The following WWC2 variants were observed in gnomAD, a reference collection of about 807,000 sequenced individuals.
The protein encoded by WWC2 is WW and C2 domain containing 2.
WWC2 carries 101 observed loss-of-function variants against 138.5 expected under a neutral mutation model. The ratio of observed to expected loss-of-function variants is 0.73; its 90% CI spans 0.62 to 0.86. WWC2 has a LOEUF of 0.86. WWC2 is among the 40% of genes least tolerant of loss of function. The pLI, the probability that WWC2 is intolerant of heterozygous loss-of-function variation, is 0.00. For missense variants in WWC2, 1,420 were observed against 1,419.4 expected, an observed-to-expected ratio of 1.00 and a Z score of -0.01; for synonymous variants, 558 against 538.4, an observed-to-expected ratio of 1.04 and a Z score of -0.50.
chr4:183,314,701 AC>A (rs1289537134), intron 22 of WWC2, among the ~76,000 whole-genome samples: 2 of 152,118 alleles, frequency 1.3e-5, no homozygotes, highest in Non-Finnish European at 2.9e-5. Context: ...ATTTTTAAAC[AC>A]CCCAGTTAGC....
At chr4:183,293,433 C>A (rs1472252239) in intron 21 of WWC2, among the ~76,000 whole-genome samples, 2 of 152,192 alleles carry the variant, frequency 1.3e-5, no homozygotes, top group African/African-American at 4.8e-5. Context: ...AAAGTCAGTG[C>A]TCCTTCATGT....
chr4:183,152,293 G>T (rs116572684), intron 1 of WWC2, among the ~76,000 whole-genome samples: 1 of 151,918 alleles, frequency 6.6e-6, no homozygotes, highest in African/African-American at 2.4e-5. Context: ...GAGCTCAGGG[G>T]TTTGAGACCA....
chr4:183,286,050 G>A lies in WWC2; in HGVS notation c.3132G>A (p.Arg1044=), dbSNP rs142719833. 51 of 1,573,702 alleles carry A rather than the reference G, an allele frequency of 3.2e-5. No homozygotes were observed. The African/African-American group carries it at 6.2e-4, about 19-fold the overall frequency. ...VRNSTERRSL[R]VKRTVCQSVL... ...ACTCCACCGAACGCCGCAGTTTGAG[G>A]GTCAAAAGGGTATGTATTCCCTCAG... Residue 1044 remains arginine, a synonymous_variant, in exon 20 of 23, where the codon AGG becomes AGA. Coordinates refer to ENST00000403733, the MANE Select transcript of WWC2 (RefSeq NM_024949.6).
intron 16 of WWC2, among the ~76,000 whole-genome samples, chr4:183,278,753 A>G (rs79223853): frequency 0.53 from 79,468 of 151,036 alleles, 21,503 homozygotes; most frequent in Middle Eastern, 0.67. Context: ...GTGAATGGGA[A>G]TTCACTCCTG....
chr4:183,192,167 A>T (rs1346566646), intron 1 of WWC2, among the ~76,000 whole-genome samples: 1 of 152,238 alleles, frequency 6.6e-6, no homozygotes, highest in Non-Finnish European at 1.5e-5. Flanking sequence ...GCTTGTGTTA[A>T]TAATCACTGA....
At chr4:183,211,113 A>G (rs1315100030) in intron 4 of WWC2, among the ~76,000 whole-genome samples, 1 of 152,168 alleles carries the variant, frequency 6.6e-6, no homozygotes, top group Non-Finnish European at 1.5e-5. Flanking sequence ...GCATTGCTTA[A>G]TTTTCAAACA....
At chr4:183,228,265 G>A (rs1404867304) in intron 4 of WWC2, among the ~76,000 whole-genome samples, 2 of 152,012 alleles carry the variant, frequency 1.3e-5, no homozygotes, top group Admixed American at 6.6e-5. Context: ...TAATGTGTCC[G>A]TTAAAATGTG....
In WWC2 at chr4:183,240,259, A is replaced by G; in HGVS notation, c.599A>G (p.Gln200Arg). 1 of 1,549,154 alleles carries G rather than the reference A, an allele frequency of 6.5e-7. No individual in the cohort carries two copies. Residue 200 changes from glutamine (Q) to arginine (R), a missense_variant, in exon 5 of 23, where the codon CAG becomes CGG. Coordinates refer to ENST00000403733, the MANE Select transcript of WWC2 (RefSeq NM_024949.6). ...LYKEQGFETL[Q>R]QIDKKMSGGQ... ...AAAGAACAAGGCTTTGAAACATTGC[A>G]GCAGTGAGTATGAAAAGACTGAATC...
Position 183,099,431 on chromosome 4 carries a change from T to TCCCGCCGCGTC in WWC2, c.-58_-48dup, listed in dbSNP as rs1743083852. ...TGGCAGCCTAGCCCGGCAGCCGCGTTCCCGCCGCGTCCCGCGCCCGGTACC... is the reference window on the plus strand; with the variant it reads ...TGGCAGCCTAGCCCGGCAGCCGCGTTCCCGCCGCGTCCCCGCCGCGTCCCGCGCCCGGTACC... On this transcript the variant is annotated 5_prime_UTR_variant, in exon 1 of 23. Transcript: ENST00000403733. The TCCCGCCGCGTC allele has an allele frequency of 1.1e-5, 13 of 1,195,290 alleles. No homozygotes were observed. The South Asian group carries it at 5.1e-4, about 47-fold the overall frequency. 74.0% of individuals were successfully genotyped at this position (1,195,290 alleles called of 1,614,324 possible). A position where few individuals can be genotyped will look rare whatever the true frequency, so the allele number is the denominator to read the frequency against.
chr4:183,122,988 G>A (rs369375689), intron 1 of WWC2, among the ~76,000 whole-genome samples: 60 of 152,284 alleles, frequency 3.9e-4, no homozygotes, highest in African/African-American at 1.4e-3. Flanking sequence ...TCATTTCCAT[G>A]ACATTTACCA....
At chr4:183,305,825 G>T (rs992869464) in intron 21 of WWC2, among the ~76,000 whole-genome samples, 2 of 152,110 alleles carry the variant, frequency 1.3e-5, no homozygotes, top group African/African-American at 4.8e-5. Flanking sequence ...AACAAAGGAA[G>T]AGCATTGAAA....
chr4:183,280,930 T>C, intron 17 of WWC2, 33 bp downstream of exon 17: 1 of 1,539,270 alleles, frequency 6.5e-7, no homozygotes, highest in Non-Finnish European at 8.8e-7. Flanking sequence ...TGTTGGGAGC[T>C]CAAAGATGAT....
At chr4:183,118,994 C>G (rs934408825) in intron 1 of WWC2, among the ~76,000 whole-genome samples, 20 of 152,008 alleles carry the variant, frequency 1.3e-4, no homozygotes, top group Admixed American at 3.9e-4. Context: ...TCCTTTTGTC[C>G]TGATGGTGTT....
intron 1 of WWC2, among the ~76,000 whole-genome samples, chr4:183,188,204 T>C (rs1054433769): frequency 3.3e-5 from 5 of 152,074 alleles, no homozygotes; most frequent in African/African-American, 1.2e-4. Flanking sequence ...GTAAAAATGA[T>C]CTTAGGAAGA....
chr4:183,268,836 G>A, intron 14 of WWC2, 135 bp from the exon 15 acceptor site: 2 of 994,012 alleles, frequency 2.0e-6, no homozygotes, highest in Non-Finnish European at 3.0e-6. Context: ...GACCCGTGAT[G>A]GCAGCAACAC....
At chr4:183,233,848 T>A (rs1736334795) in intron 4 of WWC2, 1 of 152,196 alleles carries the variant, frequency 6.6e-6, no homozygotes, top group Non-Finnish European at 1.5e-5. Flanking sequence ...AAGGTGGAAG[T>A]GGTAGTCAGG....
At chr4:183,146,607 G>A (rs1207389247) in intron 1 of WWC2, among the ~76,000 whole-genome samples, 1 of 152,158 alleles carries the variant, frequency 6.6e-6, no homozygotes, top group Non-Finnish European at 1.5e-5. Context: ...CAGGAATTGA[G>A]TGTGCACAGG....
chr4:183,308,461 C>A (rs778771746), intron 21 of WWC2, among the ~76,000 whole-genome samples: 1 of 151,888 alleles, frequency 6.6e-6, no homozygotes, highest in African/African-American at 2.4e-5. Flanking sequence ...TACCTGACTT[C>A]AAGACTTACT....
chr4:183,267,181 A>G (rs1279896180), intron 14 of WWC2, among the ~76,000 whole-genome samples: 1 of 152,002 alleles, frequency 6.6e-6, no homozygotes, highest in Non-Finnish European at 1.5e-5. Flanking sequence ...TAATGTGTTG[A>G]CAAGCATCAA....
Sources: allele counts gnomAD v4.1 joint callset (sites outside exome capture counted in the v4.1 genomes callset), GRCh38; gene constraint gnomAD v4.1.1; transcripts MANE v1.5; gene names NCBI Gene and HGNC (gene_info 2026-07-23, HGNC 2026-07-21).